The following KIF13A variants were observed in gnomAD, a reference collection of about 807,000 sequenced individuals.
KIF13A encodes kinesin family member 13A.
KIF13A carries 79 observed loss-of-function variants against 212.2 expected under a neutral mutation model. The ratio of observed to expected loss-of-function variants is 0.37; its 90% CI spans 0.31 to 0.45. The LOEUF is 0.45. Among genes scored for constraint, KIF13A ranks in the 20% least tolerant of loss-of-function variants. The pLI is 1.00. For missense variants in KIF13A, 1,901 were observed against 2,209.0 expected (o/e 0.86, Z 2.79); for synonymous variants, 789 against 808.6 (o/e 0.98, Z 0.41).
At chr6:17,830,324 G>A (rs1562028024) in intron 13 of KIF13A, among the ~76,000 whole-genome samples, 1 of 152,196 alleles carries the variant, frequency 6.6e-6, no homozygotes, top group African/African-American at 2.4e-5. Flanking sequence ...TATGAGACAT[G>A]TAATGATGTT....
intron 9 of KIF13A, among the ~76,000 whole-genome samples, chr6:17,842,777 G>A (rs1015912491): frequency 6.7e-6 from 1 of 150,028 alleles, no homozygotes. Context: ...AAAAGTAAAA[G>A]AAAGTTGGGA....
Position 17,987,601 on chromosome 6 carries a change from G to A in KIF13A, c.-138C>T, listed in dbSNP as rs1781691484. On this transcript the variant is annotated 5_prime_UTR_variant, in exon 1 of 39. Transcript: ENST00000259711. The surrounding 1 kb of genome is among the most constrained non-coding windows in gnomAD (Gnocchi z 7.7). ...TCCGCCGTGAGCTCCGAGAGGCAGC[G>A]CCGAGGCGCGCGGGCCATCCCGGGG... The A allele has an allele frequency of 3.3e-6, 1 of 300,936 alleles. No individual in the cohort carries two copies. Among genetic ancestry groups the A allele is most frequent in the Non-Finnish European group, 4.8e-6 (1 of 207,796 alleles). The allele number at this position is 300,936 out of a possible 1,614,324, so 18.6% of individuals were successfully genotyped here.
Position 17,850,186 on chromosome 6 carries a change from C to A in KIF13A, c.717+137G>T. On this transcript the variant is annotated intron_variant, in intron 8 of 38. Transcript: ENST00000259711. The surrounding 1 kb of genome is among the most constrained non-coding windows in gnomAD (Gnocchi z 6.2). ...AAGACCTAACAAATTAAATGATAAG[C>A]AAAGTAGCTCACCTAGTAAGCAGAA... 3 of 828,074 alleles carry A rather than the reference C, an allele frequency of 3.6e-6. No homozygotes were observed. In the South Asian group the frequency reaches 1.0e-4, roughly 28 times the overall value. 51.3% of individuals were successfully genotyped at this position (828,074 alleles called of 1,614,324 possible).
chr6:17,911,363 T>C (rs1254819308), intron 2 of KIF13A, among the ~76,000 whole-genome samples: 1 of 152,228 alleles, frequency 6.6e-6, no homozygotes, highest in African/African-American at 2.4e-5. Context: ...CAAACAATTC[T>C]TGTTAGAGGA....
At chr6:17,937,791 C>A (rs1329503733) in intron 2 of KIF13A, among the ~76,000 whole-genome samples, 3 of 150,206 alleles carry the variant, frequency 2.0e-5, no homozygotes, top group Admixed American at 1.3e-4. Context: ...GCTCTGTCGA[C>A]CAGGCTGGAG....
In KIF13A at chr6:17,771,908, C is replaced by G; in HGVS notation, c.4476G>C (p.Glu1492Asp). The G allele has an allele frequency of 6.2e-7, 1 of 1,613,938 alleles. No individual in the cohort carries two copies. The highest frequency in any genetic ancestry group is 8.5e-7 in the Non-Finnish European group (1 of 1,179,834). ...ALEARPLLSQ[E>D]SMPPPQAHNP... ...TAGTACAGACAAGTCAAGCATTTAC[C>G]TCCTGGCTTAGAAGAGGCCTTGCTT... The change falls in exon 37 of 39, where the codon GAG (glutamate) becomes GAC (aspartate). Residue 1492 changes from glutamate (E) to aspartate (D), a missense_variant and splice_region_variant. Glu to Asp is a conservative substitution (Grantham distance 45). Coordinates refer to ENST00000259711, the MANE Select transcript of KIF13A (RefSeq NM_022113.6). The surrounding 1 kb of genome is among the most constrained non-coding windows in gnomAD (Gnocchi z 5.4).
At chr6:17,803,615 T>C (rs1487761301) in intron 20 of KIF13A, among the ~76,000 whole-genome samples, 1 of 152,184 alleles carries the variant, frequency 6.6e-6, no homozygotes, top group East Asian at 1.9e-4. Context: ...CAATGAGTCA[T>C]TGAAGCCTGT....
At chr6:17,881,720 G>C in intron 3 of KIF13A, 1 of 330,104 alleles carries the variant, frequency 3.0e-6, no homozygotes, top group East Asian at 8.0e-5. Context: ...GCAATGGCCA[G>C]GCACAGGGCT....
downstream of KIF13A, among the ~76,000 whole-genome samples, chr6:17,762,858 C>A (rs531632499): frequency 6.6e-6 from 1 of 152,120 alleles, no homozygotes; most frequent in Non-Finnish European, 1.5e-5. Context: ...GTATAAATGA[C>A]CATACATTGA....
intron 12 of KIF13A, among the ~76,000 whole-genome samples, chr6:17,833,626 C>G (rs1765655940): frequency 6.6e-6 from 1 of 151,806 alleles, no homozygotes; most frequent in South Asian, 2.1e-4. Flanking sequence ...GAGGCTGCGG[C>G]TGGCAGATCA....
At position 17,935,201 on chromosome 6, in the gene KIF13A, C is replaced by T. The variant is rs193032359; in HGVS notation, c.147-37021G>A. ...TCTTATCTGTGCTTTCTATAGCTGT[C>T]CTGAATAAATGTCACAATCAGACTT... On this transcript the variant is annotated intron_variant, in intron 2 of 38. Coordinates refer to ENST00000259711, the MANE Select transcript of KIF13A (RefSeq NM_022113.6). 2.5e-3 allele frequency among the ~76,000 whole-genome samples: 387 copies of T among 152,210 alleles called. 1 individual carries two copies. The highest frequency in any genetic ancestry group is 7.3e-3 in the Admixed American group (112 of 15,292).
chr6:17,908,882 G>A (rs1375819630), intron 2 of KIF13A, among the ~76,000 whole-genome samples: 5 of 152,302 alleles, frequency 3.3e-5, no homozygotes, highest in African/African-American at 1.2e-4. Context: ...GAAGCACAGT[G>A]GTGAGGAGTT....
At position 17,783,628 on chromosome 6, in the gene KIF13A, C is replaced by CT. The variant is rs780099628; in HGVS notation, c.3544+17dup. 5 of 1,508,610 alleles carry CT rather than the reference C, an allele frequency of 3.3e-6. 1 individual carries two copies. In the South Asian group the frequency reaches 6.0e-5, roughly 18 times the overall value. 93.5% of individuals were successfully genotyped at this position (1,508,610 alleles called of 1,614,324 possible). ...TAGTTAAATACAATAATCCCTGTGACTTTAAGTGTCTACTTACCATTCAAA... is the reference window on the plus strand; with the variant it reads ...TAGTTAAATACAATAATCCCTGTGACTTTTAAGTGTCTACTTACCATTCAAA... On this transcript the variant is annotated intron_variant, in intron 29 of 38. Transcript: ENST00000259711. This position sits in a 1 kb window ranked among gnomAD's most constrained non-coding sequence, Gnocchi z 4.3.
At chr6:17,760,721 G>C, downstream of KIF13A, 1 of 835,494 alleles carries the variant, frequency 1.2e-6, no homozygotes, top group Non-Finnish European at 2.0e-6. Context: ...GGAAGTGCAC[G>C]GTGTGGATTC....
At position 17,951,387 on chromosome 6, in the gene KIF13A, TC is replaced by T; in HGVS notation, c.146+35666del. The T allele has an allele frequency of 1.6e-6, 1 of 622,152 alleles. No homozygotes were observed. Among genetic ancestry groups the T allele is most frequent in the African/African-American group, 1.9e-5 (1 of 52,824 alleles). 38.5% of individuals were successfully genotyped at this position (622,152 alleles called of 1,614,324 possible). ...CTCAAGTGATCCTCTTGCCTTGGCC[TC>T]CCAAAGTGCTGGAATTAGAGATGTG... is the stretch of plus-strand genomic sequence containing the variant. On this transcript the variant is annotated intron_variant, in intron 2 of 38. Coordinates refer to ENST00000259711, the MANE Select transcript of KIF13A (RefSeq NM_022113.6). This position sits in a 1 kb window ranked among gnomAD's most constrained non-coding sequence, Gnocchi z 4.9.
At chr6:17,979,852 A>C (rs1780901996) in intron 2 of KIF13A, among the ~76,000 whole-genome samples, 1 of 152,122 alleles carries the variant, frequency 6.6e-6, no homozygotes, top group Non-Finnish European at 1.5e-5. Context: ...ATAAGGATTA[A>C]ACATAAGGCT....
intron 9 of KIF13A, among the ~76,000 whole-genome samples, chr6:17,848,170 T>C (rs1048022977): frequency 2.0e-5 from 3 of 152,216 alleles, no homozygotes; most frequent in Non-Finnish European, 4.4e-5. Flanking sequence ...GTGTGATATT[T>C]TGATACATGT....
rs1366754260 is a variant in KIF13A at position 17,899,264 on chromosome 6, T to C, written c.147-1084A>G. ...GACAGTTCTTGGCCTTCCTGATAGT[T>C]ACTCTTGATCAACCTCTGATATCCT... is the stretch of plus-strand genomic sequence containing the variant. On this transcript the variant is annotated intron_variant, in intron 2 of 38. Transcript: ENST00000259711. This position sits in a 1 kb window ranked among gnomAD's most constrained non-coding sequence, Gnocchi z 5.2. Among the ~76,000 whole-genome samples, 1 of 152,130 alleles carries C rather than the reference T, an allele frequency of 6.6e-6. No homozygotes were observed. Among genetic ancestry groups the C allele is most frequent in the Non-Finnish European group, 1.5e-5 (1 of 68,036 alleles).
At chr6:17,790,625 G>A (rs1324051052) in intron 25 of KIF13A, among the ~76,000 whole-genome samples, 1 of 152,078 alleles carries the variant, frequency 6.6e-6, no homozygotes, top group Non-Finnish European at 1.5e-5. Context: ...CATCCTTTAA[G>A]CCTTAAAGGA....
Sources: allele counts gnomAD v4.1 joint callset (sites outside exome capture counted in the v4.1 genomes callset), GRCh38; gene constraint gnomAD v4.1.1; non-coding constraint Gnocchi (gnomAD v3.1); transcripts MANE v1.5; gene names NCBI Gene and HGNC (gene_info 2026-07-23, HGNC 2026-07-21).